SLC22A9: variants seen among roughly 807,000 people sequenced by gnomAD.
The protein encoded by SLC22A9 is solute carrier family 22 member 9.
Under a neutral mutation model 50.1 loss-of-function variants are expected in SLC22A9, and 64 were observed. The ratio of observed to expected loss-of-function variants is 1.28; its 90% confidence interval spans 1.04 to 1.57. The LOEUF is 1.57. Among genes scored for constraint, SLC22A9 ranks in the 40% most tolerant of loss-of-function variants. The pLI is 0.00. For missense variants in SLC22A9, 757 were observed against 676.1 expected (o/e 1.12, Z -1.33); for synonymous variants, 261 against 242.5 (o/e 1.08, Z -0.71).
At chr11:63,385,610 A>G (rs1412939347) in intron 6 of SLC22A9, among the ~76,000 whole-genome samples, 3 of 152,088 alleles carry the variant, frequency 2.0e-5, no homozygotes, top group African/African-American at 7.2e-5. Context: ...TTGTTGGTGT[A>G]TAGAAATGCT....
At chr11:63,394,901 T>C (rs2014825685) in intron 6 of SLC22A9, among the ~76,000 whole-genome samples, 6 of 152,092 alleles carry the variant, frequency 3.9e-5, no homozygotes. Flanking sequence ...CCCAGACTTT[T>C]TGGAGGCTTT....
chr11:63,408,245 T>C (rs753244967), intron 8 of SLC22A9, 25 bp downstream of exon 8: 23 of 1,580,882 alleles, frequency 1.5e-5, no homozygotes, highest in Middle Eastern at 1.7e-4. Context: ...GTATGCCCTG[T>C]CAGGTTCAAA....
At chr11:63,381,706 T>C (rs1429042025) in intron 5 of SLC22A9, among the ~76,000 whole-genome samples, 1 of 152,114 alleles carries the variant, frequency 6.6e-6, no homozygotes, top group Non-Finnish European at 1.5e-5. Flanking sequence ...AGAACCAAAA[T>C]GAGTTCTCTC....
At chr11:63,408,261 C>T (rs376035024) in intron 8 of SLC22A9, 41 bp downstream of exon 8, 54 of 1,486,902 alleles carry the variant, frequency 3.6e-5, no homozygotes, top group Middle Eastern at 1.7e-4. Context: ...TCAAAATGGA[C>T]CTTTCTCAGA....
rs774494032 is a variant in SLC22A9, at chr11:63,397,633, G to A, written c.1074-8864G>A. Among the ~76,000 whole-genome samples the A allele has an allele frequency of 8.7e-4, 133 of 152,120 alleles. 1 individual carries two copies. The highest frequency in any genetic ancestry group is 1.6e-3 in the Non-Finnish European group (106 of 67,996). The stretch of plus-strand genomic sequence containing the variant: ...CCATTCTTCCCACCCTTTTCCACAA[G>A]CAGAGGAGTCATCTCATGGCCACCA... On this transcript the variant is annotated intron_variant, in intron 6 of 9. Coordinates refer to ENST00000279178, the MANE Select transcript of SLC22A9 (RefSeq NM_080866.3).
At chr11:63,405,028 A>G (rs2015012917) in intron 6 of SLC22A9, among the ~76,000 whole-genome samples, 1 of 152,142 alleles carries the variant, frequency 6.6e-6, no homozygotes, top group Non-Finnish European at 1.5e-5. Context: ...AAATGAAGCA[A>G]CTGGCTGAGA....
intron 6 of SLC22A9, among the ~76,000 whole-genome samples, chr11:63,399,462 T>C (rs1223755403): frequency 6.6e-6 from 1 of 152,132 alleles, no homozygotes; most frequent in Non-Finnish European, 1.5e-5. Context: ...AAGGAGATCA[T>C]TATATAATGA....
intron 2 of SLC22A9, among the ~76,000 whole-genome samples, chr11:63,371,471 T>C (rs1397633534): frequency 2.0e-5 from 3 of 151,788 alleles, no homozygotes; most frequent in African/African-American, 7.3e-5. Context: ...TCAAGACAGG[T>C]TTTAGAGAGA....
intron 6 of SLC22A9, among the ~76,000 whole-genome samples, chr11:63,401,876 T>C (rs894195708): frequency 2.6e-5 from 4 of 152,090 alleles, no homozygotes; most frequent in Admixed American, 6.6e-5. Context: ...TAAGTTTTTT[T>C]ATATGCTTGT....
At chr11:63,389,577 ATCAC>A (rs1488091869) in intron 6 of SLC22A9, among the ~76,000 whole-genome samples, 4 of 152,168 alleles carry the variant, frequency 2.6e-5, no homozygotes, top group African/African-American at 9.6e-5. Flanking sequence ...TATCCAGTCT[ATCAC>A]TGATGGGCAT....
chr11:63,372,686 G>A (rs2014383548), intron 2 of SLC22A9, among the ~76,000 whole-genome samples: 1 of 151,824 alleles, frequency 6.6e-6, no homozygotes, highest in South Asian at 2.1e-4. Context: ...GTAGACTTTT[G>A]TTTAATTTCC....
At chr11:63,370,694 A>C (rs1340200051) in intron 1 of SLC22A9, among the ~76,000 whole-genome samples, 1 of 152,184 alleles carries the variant, frequency 6.6e-6, no homozygotes, top group East Asian at 1.9e-4. Context: ...CCAAAGTTTA[A>C]ACAAGCATTT....
At chr11:63,379,246 G>T (rs1413651857) in intron 5 of SLC22A9, among the ~76,000 whole-genome samples, 1 of 152,092 alleles carries the variant, frequency 6.6e-6, no homozygotes, top group Non-Finnish European at 1.5e-5. Flanking sequence ...CATCAATGAA[G>T]TCGACAAAAA....
chr11:63,399,321 A>C (rs569808536), intron 6 of SLC22A9, among the ~76,000 whole-genome samples: 7 of 152,320 alleles, frequency 4.6e-5, no homozygotes, highest in Admixed American at 2.6e-4. Flanking sequence ...TTCACCTGTA[A>C]AATTACACCT....
intron 4 of SLC22A9, among the ~76,000 whole-genome samples, chr11:63,374,807 G>A (rs2119873650): frequency 6.6e-6 from 1 of 152,170 alleles, no homozygotes; most frequent in South Asian, 2.1e-4. Flanking sequence ...ATGAAAAGAA[G>A]GTGTAGCAAA....
intron 2 of SLC22A9, 37 bp from the exon 3 acceptor site, chr11:63,373,607 T>C (rs199859164): frequency 2.2e-5 from 32 of 1,484,614 alleles, no homozygotes; most frequent in Non-Finnish European, 2.9e-5. Context: ...CACTTGTTGT[T>C]ATTGTTCCCA....
At chr11:63,390,009 C>T (rs980296920) in intron 6 of SLC22A9, among the ~76,000 whole-genome samples, 4 of 152,058 alleles carry the variant, frequency 2.6e-5, no homozygotes, top group African/African-American at 9.7e-5. Flanking sequence ...TATCCTTTGC[C>T]CACTTTTTGA....
At chr11:63,386,837 T>C (rs12277519) in intron 6 of SLC22A9, among the ~76,000 whole-genome samples, 42,490 of 139,502 alleles carry the variant, frequency 0.3, 6,845 homozygotes, top group Non-Finnish European at 0.38. Flanking sequence ...TTTGTTTTTT[T>C]GTTTTGTTTT....
Position 63,409,795 on chromosome 11 carries a change from G to T in SLC22A9, c.1602-7G>T, listed in dbSNP as rs148207184. On this transcript the variant is annotated splice_region_variant and splice_polypyrimidine_tract_variant and intron_variant, in intron 9 of 9. Coordinates refer to ENST00000279178, the MANE Select transcript of SLC22A9 (RefSeq NM_080866.3). ...ATTTTTTGTTGGTTTCTTTGTATTT[G>T]TTCTAGGAGAAAAGACCCCAGAGAA... 4 of 1,613,116 alleles carry T rather than the reference G, an allele frequency of 2.5e-6. No homozygotes were observed. Among genetic ancestry groups the T allele is most frequent in the Non-Finnish European group, 2.5e-6 (3 of 1,179,568 alleles).
Sources: allele counts gnomAD v4.1 joint callset (sites outside exome capture counted in the v4.1 genomes callset), GRCh38; gene constraint gnomAD v4.1.1; transcripts MANE v1.5; gene names NCBI Gene and HGNC (gene_info 2026-07-23, HGNC 2026-07-21).